Variants in PAPPA2 observed in about 807,000 individuals in gnomAD.
The protein encoded by PAPPA2 is pappalysin-2.
Under a neutral mutation model 176.4 loss-of-function variants are expected in PAPPA2, and 86 were observed. The observed-to-expected ratio is 0.49, with a 90% confidence interval of 0.41 to 0.58. PAPPA2 has a LOEUF of 0.58. Ranked by LOEUF, PAPPA2 falls within the 20% of genes least tolerant of loss-of-function variation. PAPPA2 has a pLI of 0.00. For missense variants in PAPPA2, 2,073 were observed against 2,256.9 expected, an observed-to-expected ratio of 0.92 and a Z score of 1.65; for synonymous variants, 809 against 852.2, an observed-to-expected ratio of 0.95 and a Z score of 0.88.
intron 1 of PAPPA2, among the ~76,000 whole-genome samples, chr1:176,539,045 T>C (rs1395210157): frequency 2.6e-5 from 4 of 152,144 alleles, no homozygotes; most frequent in African/African-American, 9.7e-5. Flanking sequence ...TACTGATGAG[T>C]GAAACGGAGA....
chr1:176,731,272 C>CCA (rs113859228), intron 12 of PAPPA2, among the ~76,000 whole-genome samples: 214 of 149,824 alleles, frequency 1.4e-3, no homozygotes, highest in East Asian at 2.9e-3. Flanking sequence ...ACTGACAAAA[C>CCA]CACACACACA....
chr1:176,631,051 T>C (rs879302713), intron 3 of PAPPA2, among the ~76,000 whole-genome samples: 4 of 152,078 alleles, frequency 2.6e-5, no homozygotes, highest in Admixed American at 6.5e-5. Flanking sequence ...GAGGAGACGT[T>C]AGAAGAAAAA....
intron 17 of PAPPA2, among the ~76,000 whole-genome samples, chr1:176,773,799 C>T (rs1362555872): frequency 1.3e-5 from 2 of 151,980 alleles, no homozygotes; most frequent in Non-Finnish European, 2.9e-5. Context: ...AAATATCAGC[C>T]AAATACATTC....
rs182831354 is a variant in PAPPA2, at chr1:176,690,405, G to A, written c.2406G>A (p.Pro802=). 3,807 of 1,614,068 alleles carry A rather than the reference G, an allele frequency of 2.4e-3. 21 individuals are homozygous for A. Among genetic ancestry groups the A allele is most frequent in the Middle Eastern group, 5.6e-3 (34 of 6,062 alleles). ...TCGFTRFPGA[P]FTNYMSYTDD... is the part of the protein sequence containing the mutation. ...GCTTCACTCGCTTCCCAGGGGCTCC[G>A]TTCACCAACTACATGAGCTACACGG... is the stretch of plus-strand genomic sequence containing the variant. The change falls in exon 5 of 23, where the codon CCG becomes CCA. Residue 802 remains proline (P), a synonymous_variant. Coordinates refer to ENST00000367662, the MANE Select transcript of PAPPA2 (RefSeq NM_020318.3).
intron 12 of PAPPA2, among the ~76,000 whole-genome samples, chr1:176,736,462 A>G (rs1308695405): frequency 6.8e-6 from 1 of 147,452 alleles, no homozygotes; most frequent in Non-Finnish European, 1.5e-5. Flanking sequence ...TTCCACAGCC[A>G]AGTCACAAAT....
intron 3 of PAPPA2, among the ~76,000 whole-genome samples, chr1:176,626,958 A>G (rs1656060275): frequency 6.6e-6 from 1 of 150,482 alleles, no homozygotes; most frequent in South Asian, 2.1e-4. Context: ...CCTGAGTTCA[A>G]GCGATCCTCC....
chr1:176,701,546 A>G (rs1660651459), intron 8 of PAPPA2, among the ~76,000 whole-genome samples: 1 of 152,234 alleles, frequency 6.6e-6, no homozygotes, highest in Non-Finnish European at 1.5e-5. Flanking sequence ...TTTCTTTTCT[A>G]TTAAAATACT....
chr1:176,692,278 A>C lies in PAPPA2; in HGVS notation c.2584A>C (p.Ile862Leu). 6.2e-7 allele frequency: 1 copy of C among 1,613,900 alleles called. No individual in the cohort carries two copies. Among genetic ancestry groups the C allele is most frequent in the Non-Finnish European group, 8.5e-7 (1 of 1,179,854 alleles). The change falls in exon 6 of 23, where the codon ATC becomes CTC. Residue 862 changes from isoleucine to leucine, a missense_variant. Physicochemically the swap from Ile to Leu is conservative, Grantham distance 5 (BLOSUM62 2). This residue lies in a region of PAPPA2 where 1,196 missense variants were observed against 1,330.4 expected (regional missense o/e 0.90). Transcript: ENST00000367662. The part of the protein sequence containing the change: ...VIGQTNKSLT[I>L]HWLPPISGVV... Reference sequence around the variant, plus strand: ...CGGACAGACCAACAAGTCCCTCACTATCCACTGGCTGCCTCCTATTAGTGG... The same window carrying C: ...CGGACAGACCAACAAGTCCCTCACTCTCCACTGGCTGCCTCCTATTAGTGG...
At chr1:176,724,032 A>G (rs970999027) in intron 12 of PAPPA2, among the ~76,000 whole-genome samples, 2 of 152,184 alleles carry the variant, frequency 1.3e-5, no homozygotes, top group South Asian at 4.1e-4. Context: ...TGACGCTCAC[A>G]TTTATGCCTC....
intron 4 of PAPPA2, among the ~76,000 whole-genome samples, chr1:176,684,941 A>G (rs777798734): frequency 1.4e-4 from 21 of 152,324 alleles, no homozygotes; most frequent in Admixed American, 9.8e-4. Context: ...TGCGGTTGTC[A>G]GGATCAGAAA....
intron 17 of PAPPA2, among the ~76,000 whole-genome samples, chr1:176,784,078 T>C (rs1226225660): frequency 6.6e-6 from 1 of 152,216 alleles, no homozygotes; most frequent in Non-Finnish European, 1.5e-5. Context: ...GTAAATCGCT[T>C]CATGGTTACT....
At chr1:176,834,351 C>T (rs781155475) in intron 21 of PAPPA2, among the ~76,000 whole-genome samples, 12 of 152,166 alleles carry the variant, frequency 7.9e-5, no homozygotes, top group South Asian at 6.2e-4. Flanking sequence ...TTACATATTC[C>T]AAGAAGACTT....
intron 12 of PAPPA2, among the ~76,000 whole-genome samples, chr1:176,718,312 CTT>C (rs1367302628): frequency 6.6e-6 from 1 of 151,952 alleles, no homozygotes; most frequent in Non-Finnish European, 1.5e-5. Context: ...TGGCTTGTCT[CTT>C]TTATTTTTAC....
intron 14 of PAPPA2, among the ~76,000 whole-genome samples, chr1:176,752,389 T>C (rs1663226732): frequency 6.6e-6 from 1 of 151,406 alleles, no homozygotes; most frequent in African/African-American, 2.4e-5. Flanking sequence ...GCTGTTATTA[T>C]GTACATCATT....
At chr1:176,567,138 T>A (rs1467133059) in intron 2 of PAPPA2, among the ~76,000 whole-genome samples, 2 of 152,238 alleles carry the variant, frequency 1.3e-5, no homozygotes, top group East Asian at 3.9e-4. Context: ...TTCTTTCCCA[T>A]GTTTACTACC....
chr1:176,655,603 T>G (rs2102750007), intron 3 of PAPPA2, among the ~76,000 whole-genome samples: 1 of 151,964 alleles, frequency 6.6e-6, no homozygotes, highest in South Asian at 2.1e-4. Flanking sequence ...GAATGGCATC[T>G]TCTCACTTAT....
chr1:176,733,982 C>T (rs1662280456), intron 12 of PAPPA2, among the ~76,000 whole-genome samples: 1 of 152,050 alleles, frequency 6.6e-6, no homozygotes, highest in African/African-American at 2.4e-5. Context: ...ACTCCACCTC[C>T]CACTCCAAGA....
Position 176,791,478 on chromosome 1 carries a change from G to A in PAPPA2, c.5016G>A (p.Gly1672=), listed in dbSNP as rs1557874216. ...SVEYKCEQGY[G]IGAVCSPLCV... is the part of the protein sequence containing the mutation. ...AGTACAAATGTGAACAAGGATATGGGATTGGTAAGGATAGGAGTGAATCTT... is the reference window on the plus strand; with the variant it reads ...AGTACAAATGTGAACAAGGATATGGAATTGGTAAGGATAGGAGTGAATCTT... Residue 1672 remains glycine (G), a synonymous_variant, in exon 19 of 23, where the codon GGG becomes GGA. Coordinates refer to ENST00000367662, the MANE Select transcript of PAPPA2 (RefSeq NM_020318.3). The A allele has an allele frequency of 6.2e-7, 1 of 1,613,554 alleles. No individual in the cohort carries two copies.
In PAPPA2 at chr1:176,844,049, A is replaced by G. The variant is rs1480370176; in HGVS notation, c.*1595A>G. 2 of 152,128 alleles carry G rather than the reference A, an allele frequency of 1.3e-5. No individual in the cohort carries two copies. The highest frequency in any genetic ancestry group is 3.9e-4 in the East Asian group (2 of 5,180). 9.4% of individuals were successfully genotyped at this position (152,128 alleles called of 1,614,324 possible). A position where few individuals can be genotyped will look rare whatever the true frequency, so the allele number is the denominator to read the frequency against. On this transcript the variant is annotated 3_prime_UTR_variant, in exon 23 of 23. Coordinates refer to ENST00000367662, the MANE Select transcript of PAPPA2 (RefSeq NM_020318.3). ...CTATTTACATCCCAGGCTCACTGGG[A>G]TGTGATCTACTGCAGTTACATTTTC...
Sources: gnomAD v4.1 joint callset for allele counts (sites outside exome capture counted in the v4.1 genomes callset) on GRCh38, gnomAD v4.1.1 for gene constraint, gnomAD v4.1.1 regional missense constraint, MANE v1.5 for transcripts, NCBI Gene and HGNC (gene_info 2026-07-23, HGNC 2026-07-21) for gene names.